The following NDUFS2 variants were observed in gnomAD, a reference collection of about 807,000 sequenced individuals.
NDUFS2 encodes NADH dehydrogenase [ubiquinone] iron-sulfur protein 2, mitochondrial.
Under a neutral mutation model 69.6 loss-of-function variants are expected in NDUFS2, and 38 were observed. The ratio of observed to expected loss-of-function variants is 0.55; its 90% CI spans 0.42 to 0.72. NDUFS2 has a LOEUF of 0.72. NDUFS2 is among the 30% of genes least tolerant of loss of function. The probability of loss-of-function intolerance (pLI) is 0.00; values close to 1 mark genes in which losing one functional copy is unlikely to be tolerated. For missense variants in NDUFS2, 468 were observed against 595.0 expected (o/e 0.79, Z 2.22); for synonymous variants, 194 against 211.2 (o/e 0.92, Z 0.70).
intron 3 of NDUFS2, among the ~76,000 whole-genome samples, chr1:161,208,759 G>C (rs553541553): frequency 3.5e-4 from 53 of 152,234 alleles, no homozygotes; most frequent in African/African-American, 1.2e-3. Context: ...TAAAAGCAAA[G>C]GTAAGATTAA....
At chr1:161,206,325 A>G in intron 2 of NDUFS2, 82 bp from the exon 3 acceptor site, 1 of 1,400,760 alleles carries the variant, frequency 7.1e-7, no homozygotes, top group Non-Finnish European at 1.0e-6. Context: ...GAAAATCTAT[A>G]GGGAGAGGCT....
rs10629771 is a variant in NDUFS2 at position 161,214,269 on chromosome 1, CTGTG to C, written c.*104_*107del. 6.1e-4 allele frequency: 550 copies of C among 894,574 alleles called. No homozygotes were observed. Among genetic ancestry groups the C allele is most frequent in the Middle Eastern group, 1.2e-3 (4 of 3,454 alleles). 55.4% of individuals were successfully genotyped at this position (894,574 alleles called of 1,614,324 possible). A position where few individuals can be genotyped will look rare whatever the true frequency, so the allele number is the denominator to read the frequency against. ...CCTGTTCCTCACTGGAAATTGGCCTCTGTGTGTGTGTGTGTGTGTGTGTGTGTGT... is the reference window on the plus strand; with the variant it reads ...CCTGTTCCTCACTGGAAATTGGCCTCTGTGTGTGTGTGTGTGTGTGTGTGT... On this transcript the variant is annotated 3_prime_UTR_variant, in exon 14 of 14. Transcript: ENST00000676972.
At chr1:161,197,988 T>C (rs1664927034), upstream of NDUFS2, 1 of 1,549,996 alleles carries the variant, frequency 6.5e-7, no homozygotes, top group East Asian at 2.3e-5. Context: ...ACTCCAGAGA[T>C]GCCTACCTTG....
rs758853352 is a variant in NDUFS2, at chr1:161,210,199, A to G, written c.780+11A>G. On this transcript the variant is annotated intron_variant, in intron 7 of 13. Transcript: ENST00000676972. ...GATGAGTTGGAGGAGGTAAGCTAGGAGTCAATGGGAAAAATCTCTCCCCCA... is the reference window on the plus strand; with the variant it reads ...GATGAGTTGGAGGAGGTAAGCTAGGGGTCAATGGGAAAAATCTCTCCCCCA... The G allele has an allele frequency of 5.6e-6, 9 of 1,613,876 alleles. No individual in the cohort carries two copies. The South Asian group carries it at 9.9e-5, about 18-fold the overall frequency.
chr1:161,213,093 C>T (rs1012211820), intron 10 of NDUFS2: 25 of 364,940 alleles, frequency 6.9e-5, no homozygotes, highest in South Asian at 2.6e-4. Context: ...TTAGTAGAGA[C>T]GGGGTTTCAC....
intron 5 of NDUFS2, 40 bp downstream of exon 5, chr1:161,209,635 G>T: frequency 6.6e-7 from 1 of 1,507,556 alleles, no homozygotes. Context: ...GGAAGGAAGT[G>T]CAGGAAGTAG....
chr1:161,213,502 C>T, intron 11 of NDUFS2, 27 bp downstream of exon 11: 1 of 1,580,252 alleles, frequency 6.3e-7, no homozygotes, highest in East Asian at 2.2e-5. Context: ...AAGGAAAAGA[C>T]CATATGTAGA....
chr1:161,208,498 C>T (rs1374767866), intron 3 of NDUFS2, among the ~76,000 whole-genome samples: 2 of 152,144 alleles, frequency 1.3e-5, no homozygotes, highest in Admixed American at 6.5e-5. Context: ...AGGGGTTTCT[C>T]CATGTTGGTC....
chr1:161,204,196 A>G (rs1482412830), intron 2 of NDUFS2, among the ~76,000 whole-genome samples: 2 of 152,206 alleles, frequency 1.3e-5, no homozygotes, highest in African/African-American at 4.8e-5. Context: ...CCCGTTGGTA[A>G]CCAAATGAAA....
intron 2 of NDUFS2, 73 bp from the exon 3 acceptor site, chr1:161,206,334 C>T: frequency 6.7e-7 from 1 of 1,489,420 alleles, no homozygotes; most frequent in Non-Finnish European, 9.3e-7. Flanking sequence ...TAGGGAGAGG[C>T]TAACTCCTTG....
At chr1:161,204,757 G>A (rs1034338487) in intron 2 of NDUFS2, among the ~76,000 whole-genome samples, 1 of 152,084 alleles carries the variant, frequency 6.6e-6, no homozygotes, top group East Asian at 1.9e-4. Flanking sequence ...GGAAATTATG[G>A]TCTAAGGAGA....
At position 161,202,625 on chromosome 1, in the gene NDUFS2, C is replaced by A. The variant is rs566087937; in HGVS notation, c.95+145C>A. 66 of 902,816 alleles carry A rather than the reference C, an allele frequency of 7.3e-5. No individual in the cohort carries two copies. In the South Asian group the frequency reaches 9.0e-4, roughly 12 times the overall value. The allele number at this position is 902,816 out of a possible 1,614,324, so 55.9% of individuals were successfully genotyped here. A position where few individuals can be genotyped will look rare whatever the true frequency, so the allele number is the denominator to read the frequency against. On this transcript the variant is annotated intron_variant, in intron 1 of 13. Coordinates refer to ENST00000676972, the MANE Select transcript of NDUFS2 (RefSeq NM_001377299.1). Reference sequence around the variant, plus strand: ...TTTCTTGGGCTACGGGATGCAGTGGCGCCCACTCTGGCGAGGGAGGGGAGA... The same window carrying A: ...TTTCTTGGGCTACGGGATGCAGTGGAGCCCACTCTGGCGAGGGAGGGGAGA...
intron 11 of NDUFS2, 32 bp downstream of exon 11, chr1:161,213,507 T>G (rs1208987037): frequency 6.4e-7 from 1 of 1,572,792 alleles, no homozygotes; most frequent in Non-Finnish European, 8.7e-7. Context: ...AAAGACCATA[T>G]GTAGAGTAGG....
chr1:161,198,731 C>T (rs916216377), upstream of NDUFS2: 2 of 1,142,538 alleles, frequency 1.8e-6, no homozygotes, highest in African/African-American at 3.1e-5. The surrounding 1 kb of genome is among the most constrained non-coding windows in gnomAD (Gnocchi z 4.7). Flanking sequence ...GGCTTGGACT[C>T]CTGCCAAGGT....
intron 2 of NDUFS2, 129 bp from the exon 3 acceptor site, chr1:161,206,278 A>C: frequency 1.1e-6 from 1 of 944,328 alleles, no homozygotes; most frequent in South Asian, 1.4e-5. Flanking sequence ...GTTATAGTGG[A>C]GATTAGGAAA....
intron 9 of NDUFS2, among the ~76,000 whole-genome samples, chr1:161,211,248 A>G (rs908464381): frequency 2.6e-5 from 4 of 152,242 alleles, no homozygotes; most frequent in Non-Finnish European, 2.9e-5. Flanking sequence ...TATAGCTGAG[A>G]AAGCTGAGGC....
intron 1 of NDUFS2, 60 bp downstream of exon 1, chr1:161,202,540 G>A (rs1665198261): frequency 6.8e-7 from 1 of 1,475,280 alleles, no homozygotes; most frequent in African/African-American, 1.4e-5. Context: ...TCAGGTTGGG[G>A]ACGCTTTACT....
intron 11 of NDUFS2, 50 bp downstream of exon 11, chr1:161,213,525 A>C: frequency 6.4e-7 from 1 of 1,552,410 alleles, no homozygotes. Context: ...AGGTAGCTAA[A>C]GATAGATGTT....
chr1:161,211,140 G>C (rs1024587929), intron 9 of NDUFS2, among the ~76,000 whole-genome samples: 2 of 152,210 alleles, frequency 1.3e-5, no homozygotes, highest in South Asian at 4.1e-4. Context: ...CTCCAAAATT[G>C]TTGGGATTAT....
Sources: allele counts gnomAD v4.1 joint callset (sites outside exome capture counted in the v4.1 genomes callset), GRCh38; gene constraint gnomAD v4.1.1; non-coding constraint Gnocchi (gnomAD v3.1); transcripts MANE v1.5; gene names NCBI Gene and HGNC (gene_info 2026-07-23, HGNC 2026-07-21).